The following DCDC1 variants were observed in gnomAD, a reference collection of about 807,000 sequenced individuals.
DCDC1 encodes doublecortin domain-containing protein 1.
DCDC1 carries 200 observed loss-of-function variants against 178.3 expected under a neutral mutation model. The observed-to-expected ratio is 1.12, with a 90% confidence interval of 1.00 to 1.26. DCDC1 has a LOEUF of 1.26. DCDC1 is among the 50% of genes most tolerant of loss of function. The probability of loss-of-function intolerance (pLI) is 0.00; values close to 1 mark genes in which losing one functional copy is unlikely to be tolerated. For missense variants in DCDC1, 1,983 were observed against 1,749.2 expected, an observed-to-expected ratio of 1.13 and a Z score of -2.38; for synonymous variants, 690 against 604.8, an observed-to-expected ratio of 1.14 and a Z score of -2.07.
intron 3 of DCDC1, among the ~76,000 whole-genome samples, chr11:31,314,984 A>G (rs1389646031): frequency 1.3e-5 from 2 of 152,192 alleles, no homozygotes; most frequent in African/African-American, 4.8e-5. Context: ...TCACAAAGCA[A>G]CAACTAAGTA....
At chr11:31,081,616 AAAAAGAAAAG>A (rs557989935) in intron 17 of DCDC1, among the ~76,000 whole-genome samples, 2 of 152,156 alleles carry the variant, frequency 1.3e-5, no homozygotes, top group African/African-American at 2.4e-5. Context: ...ATCTCAAAAA[AAAAAGAAAAG>A]AAAAGAAAAG....
intron 9 of DCDC1, among the ~76,000 whole-genome samples, chr11:31,150,115 T>C (rs574912843): frequency 1.3e-5 from 2 of 152,366 alleles, no homozygotes; most frequent in Middle Eastern, 3.4e-3. Context: ...TTTTTAATTA[T>C]GGCCATTCTT....
At chr11:30,961,528 G>T (rs970611595) in intron 20 of DCDC1, among the ~76,000 whole-genome samples, 1 of 151,924 alleles carries the variant, frequency 6.6e-6, no homozygotes, top group South Asian at 2.1e-4. Context: ...TTTGTTTTAC[G>T]CAAGGTGCTA....
At chr11:31,006,534 GC>G (rs1358092502) in intron 20 of DCDC1, among the ~76,000 whole-genome samples, 1 of 152,138 alleles carries the variant, frequency 6.6e-6, no homozygotes, top group Non-Finnish European at 1.5e-5. Context: ...TTCCTGCTCT[GC>G]CACTTACTAG....
At chr11:31,097,180 A>G (rs1231226578) in intron 15 of DCDC1, among the ~76,000 whole-genome samples, 1 of 152,236 alleles carries the variant, frequency 6.6e-6, no homozygotes, top group African/African-American at 2.4e-5. Context: ...ATGCATACAC[A>G]TGCTGGGCCA....
intron 20 of DCDC1, among the ~76,000 whole-genome samples, chr11:31,046,265 A>T (rs1051050228): frequency 1.3e-5 from 2 of 152,102 alleles, no homozygotes; most frequent in Non-Finnish European, 2.9e-5. Context: ...GGTTCATACA[A>T]GTTGTTGTGT....
At chr11:31,334,741 G>C (rs1327389091) in intron 2 of DCDC1, among the ~76,000 whole-genome samples, 2 of 152,170 alleles carry the variant, frequency 1.3e-5, no homozygotes, top group Non-Finnish European at 2.9e-5. Flanking sequence ...TTGCAGAACA[G>C]CAAATACTGC....
intron 3 of DCDC1, among the ~76,000 whole-genome samples, chr11:31,321,217 A>C (rs1435218934): frequency 1.0e-4 from 6 of 60,076 alleles, no homozygotes; most frequent in African/African-American, 3.5e-4. Context: ...TGTTTACCTA[A>C]GCAAGCCTGG....
chr11:31,093,909 A>G, intron 16 of DCDC1, 141 bp downstream of exon 16: 4 of 653,114 alleles, frequency 6.1e-6, no homozygotes, highest in Non-Finnish European at 1.1e-5. Flanking sequence ...TACCAACGGC[A>G]GAGATGGCAT....
At chr11:31,135,301 G>T (rs1221898779) in intron 10 of DCDC1, among the ~76,000 whole-genome samples, 2 of 152,066 alleles carry the variant, frequency 1.3e-5, no homozygotes, top group African/African-American at 2.4e-5. Flanking sequence ...TCCTTTCTCT[G>T]TATGTTGATT....
intron 37 of DCDC1, among the ~76,000 whole-genome samples, chr11:30,879,728 T>C (rs1406333781): frequency 6.6e-6 from 1 of 152,184 alleles, no homozygotes; most frequent in Non-Finnish European, 1.5e-5. Context: ...ATTTCCAATA[T>C]TTTTTCTCTT....
intron 25 of DCDC1, among the ~76,000 whole-genome samples, chr11:30,918,046 T>TAAA (rs144914353): frequency 0.017 from 2,586 of 151,288 alleles, 78 homozygotes; most frequent in African/African-American, 0.06. Context: ...CCTTTACAGT[T>TAAA]AAAAAAAACA....
At position 30,990,969 on chromosome 11, in the gene DCDC1, G is replaced by T. The variant is rs571374299; in HGVS notation, c.2592-38401C>A. 1.1e-4 allele frequency among the ~76,000 whole-genome samples: 17 copies of T among 152,232 alleles called. No homozygotes were observed. In the East Asian group the frequency reaches 2.5e-3, roughly 23 times the overall value. ...ATAATTTTGGGGTGGGAAGCTTCCT[G>T]GTATCATACAGTCACATTTAAGTGA... On this transcript the variant is annotated intron_variant, in intron 20 of 38. Transcript: ENST00000684477.
intron 17 of DCDC1, among the ~76,000 whole-genome samples, chr11:31,087,470 A>G (rs756972246): frequency 1.3e-5 from 2 of 151,948 alleles, no homozygotes; most frequent in Non-Finnish European, 2.9e-5. Flanking sequence ...CTTTTCTTAC[A>G]CAGACATTTA....
intron 9 of DCDC1, among the ~76,000 whole-genome samples, chr11:31,172,503 C>G (rs930275473): frequency 2.0e-5 from 3 of 152,010 alleles, no homozygotes; most frequent in Admixed American, 6.6e-5. Context: ...ACATGGAGGC[C>G]AGGGGTACCA....
chr11:31,030,024 C>T (rs1415811007), intron 20 of DCDC1, among the ~76,000 whole-genome samples: 2 of 151,320 alleles, frequency 1.3e-5, no homozygotes, highest in Non-Finnish European at 2.9e-5. Context: ...CATCAAAATT[C>T]TTCAATTTTT....
chr11:30,901,234 C>T (rs1944646874), intron 32 of DCDC1, among the ~76,000 whole-genome samples: 1 of 151,882 alleles, frequency 6.6e-6, no homozygotes, highest in East Asian at 1.9e-4. Flanking sequence ...CTAACAGTAC[C>T]CTGCAATAGA....
intron 1 of DCDC1, among the ~76,000 whole-genome samples, chr11:31,345,127 T>C (rs756579698): frequency 6.6e-6 from 1 of 152,202 alleles, no homozygotes; most frequent in Non-Finnish European, 1.5e-5. Context: ...TCTACACTTA[T>C]AACCTTATGG....
intron 12 of DCDC1, among the ~76,000 whole-genome samples, chr11:31,107,551 G>T (rs1958932721): frequency 6.6e-6 from 1 of 152,162 alleles, no homozygotes; most frequent in Non-Finnish European, 1.5e-5. Context: ...AAGACATCAT[G>T]GAAGTGTGAA....
Sources: allele counts gnomAD v4.1 joint callset (sites outside exome capture counted in the v4.1 genomes callset), GRCh38; gene constraint gnomAD v4.1.1; transcripts MANE v1.5; gene names NCBI Gene and HGNC (gene_info 2026-07-23, HGNC 2026-07-21).